The following ARHGEF3 variants were observed in gnomAD, a reference collection of about 807,000 sequenced individuals.
The protein encoded by ARHGEF3 is Rho guanine nucleotide exchange factor 3, also known as 59.8 kDA protein.
ARHGEF3 carries 28 observed loss-of-function variants against 63.2 expected under a neutral mutation model. The ratio of observed to expected loss-of-function variants is 0.44; its 90% CI spans 0.33 to 0.61. The LOEUF is 0.61. Ranked by LOEUF, ARHGEF3 falls within the 20% of genes least tolerant of loss-of-function variation. ARHGEF3 has a pLI of 0.03. For missense variants in ARHGEF3, 533 were observed against 659.3 expected (o/e 0.81, Z 2.10); for synonymous variants, 266 against 254.2 (o/e 1.05, Z -0.44).
chr3:56,836,189 GTATTTTCGATCAA>G (rs1332512262), intron 4 of ARHGEF3, among the ~76,000 whole-genome samples: 5 of 152,134 alleles, frequency 3.3e-5, no homozygotes, highest in African/African-American at 1.2e-4. Context: ...AAACAGATGT[GTATTTTCGATCAA>G]TAGTTCATGA....
At chr3:56,818,528 A>G (rs1428462958) in intron 4 of ARHGEF3, among the ~76,000 whole-genome samples, 1 of 152,226 alleles carries the variant, frequency 6.6e-6, no homozygotes, top group African/African-American at 2.4e-5. Flanking sequence ...AAAGGAAAAA[A>G]GACCTGGATC....
intron 3 of ARHGEF3, chr3:56,882,416 C>G: frequency 7.0e-7 from 1 of 1,438,474 alleles, no homozygotes; most frequent in Non-Finnish European, 9.5e-7. Flanking sequence ...TTGATTAAGG[C>G]AAGAAAAAAA....
At chr3:56,859,799 A>G (rs1320484860) in intron 4 of ARHGEF3, among the ~76,000 whole-genome samples, 3 of 151,860 alleles carry the variant, frequency 2.0e-5, no homozygotes, top group African/African-American at 2.4e-5. Flanking sequence ...CGGTCTCCCA[A>G]AGTGCTGGGG....
intron 4 of ARHGEF3, among the ~76,000 whole-genome samples, chr3:56,836,787 T>A (rs1200626787): frequency 6.6e-6 from 1 of 151,936 alleles, no homozygotes; most frequent in Non-Finnish European, 1.5e-5. Context: ...ATTAGCTGGG[T>A]ATGGTGGTGC....
At chr3:56,847,054 G>T (rs922246880) in intron 4 of ARHGEF3, among the ~76,000 whole-genome samples, 2 of 152,208 alleles carry the variant, frequency 1.3e-5, no homozygotes, top group South Asian at 4.1e-4. Flanking sequence ...CAGAGGCTCA[G>T]AGAGGTTTAA....
chr3:56,785,738 A>C (rs2036771365), intron 1 of ARHGEF3, among the ~76,000 whole-genome samples: 2 of 152,202 alleles, frequency 1.3e-5, no homozygotes, highest in Non-Finnish European at 2.9e-5. Context: ...GTTCCAGCTG[A>C]ATCTGGGATG....
intron 6 of ARHGEF3, among the ~76,000 whole-genome samples, chr3:56,747,794 A>G (rs535445157): frequency 1.3e-5 from 2 of 152,324 alleles, no homozygotes; most frequent in African/African-American, 4.8e-5. Flanking sequence ...ACTGCACTCC[A>G]GCCTTGGCGA....
intron 2 of ARHGEF3, among the ~76,000 whole-genome samples, chr3:57,010,282 A>C (rs192626103): frequency 1.3e-5 from 2 of 151,626 alleles, no homozygotes; most frequent in Non-Finnish European, 2.9e-5. Flanking sequence ...GTGAAACCCC[A>C]TCTCTACTAA....
At chr3:56,740,801 G>A (rs1418783191) in intron 7 of ARHGEF3, among the ~76,000 whole-genome samples, 1 of 152,172 alleles carries the variant, frequency 6.6e-6, no homozygotes, top group Non-Finnish European at 1.5e-5. Flanking sequence ...CTGGACAGCC[G>A]GAATTAATCA....
At chr3:56,959,915 T>G (rs1324168818) in intron 2 of ARHGEF3, among the ~76,000 whole-genome samples, 1 of 152,088 alleles carries the variant, frequency 6.6e-6, no homozygotes, top group Non-Finnish European at 1.5e-5. Context: ...GAGGCAGAGG[T>G]TGCGGTGAGC....
intron 2 of ARHGEF3, among the ~76,000 whole-genome samples, chr3:56,766,032 T>C (rs552057597): frequency 1.3e-5 from 2 of 152,288 alleles, no homozygotes; most frequent in African/African-American, 4.8e-5. Context: ...TGGTTTTTTT[T>C]CCCTATCCAT....
At chr3:56,942,394 T>G (rs914911824) in intron 3 of ARHGEF3, among the ~76,000 whole-genome samples, 2 of 152,236 alleles carry the variant, frequency 1.3e-5, no homozygotes, top group African/African-American at 4.8e-5. Context: ...TGACCAGTCA[T>G]CTTTGATGTT....
intron 4 of ARHGEF3, among the ~76,000 whole-genome samples, chr3:56,827,752 C>CAAAAAAAAA (rs35949919): frequency 1.5e-5 from 1 of 68,416 alleles, no homozygotes. Context: ...CCTGTCTCTA[C>CAAAAAAAAA]AAAAAAAAAA....
intron 3 of ARHGEF3, among the ~76,000 whole-genome samples, chr3:56,947,646 G>A (rs28748132): frequency 6.6e-6 from 1 of 152,046 alleles, no homozygotes; most frequent in Admixed American, 6.6e-5. Flanking sequence ...TAGAGACCTA[G>A]AAAGAGACTT....
chr3:56,945,101 T>C (rs1020938532), intron 3 of ARHGEF3, among the ~76,000 whole-genome samples: 1 of 152,090 alleles, frequency 6.6e-6, no homozygotes. Context: ...ATGCAGCAAA[T>C]GTCATTGTTA....
intron 1 of ARHGEF3, among the ~76,000 whole-genome samples, chr3:57,058,985 A>C (rs1273111525): frequency 8.9e-6 from 1 of 112,224 alleles, no homozygotes. Context: ...CACACCAGGG[A>C]CTGTTGTGGG....
At chr3:56,925,439 T>A (rs2042250671) in intron 3 of ARHGEF3, among the ~76,000 whole-genome samples, 1 of 152,198 alleles carries the variant, frequency 6.6e-6, no homozygotes, top group African/African-American at 2.4e-5. Context: ...AGGCTGTCTA[T>A]AGGACCATGC....
chr3:57,072,287 A>G (rs1705951537), intron 1 of ARHGEF3, among the ~76,000 whole-genome samples: 1 of 152,190 alleles, frequency 6.6e-6, no homozygotes, highest in Non-Finnish European at 1.5e-5. Flanking sequence ...AAATAAAACC[A>G]TATGTCCACA....
intron 3 of ARHGEF3, among the ~76,000 whole-genome samples, chr3:56,957,244 C>G (rs1441611845): frequency 6.6e-6 from 1 of 152,166 alleles, no homozygotes; most frequent in Non-Finnish European, 1.5e-5. Flanking sequence ...ATATTGTAAC[C>G]TGAGCTAAAA....
Sources: allele counts gnomAD v4.1 joint callset (sites outside exome capture counted in the v4.1 genomes callset), GRCh38; gene constraint gnomAD v4.1.1; transcripts MANE v1.5; gene names NCBI Gene and HGNC (gene_info 2026-07-23, HGNC 2026-07-21).